The following WDR70 variants were observed in gnomAD, a reference collection of about 807,000 sequenced individuals.
The protein encoded by WDR70 is WD repeat domain 70.
A neutral mutation model predicts 88.6 loss-of-function variants in WDR70; 53 were observed. That is an observed-to-expected ratio of 0.60 (90% CI 0.48 to 0.75). The LOEUF (loss-of-function observed/expected upper bound fraction) is 0.75, where lower values mean the gene tolerates loss of function less well. Among genes scored for constraint, WDR70 ranks in the 30% least tolerant of loss-of-function variants. The pLI, the probability that WDR70 is intolerant of heterozygous loss-of-function variation, is 0.00. For missense variants in WDR70, 610 were observed against 823.2 expected, an observed-to-expected ratio of 0.74 and a Z score of 3.17; for synonymous variants, 280 against 270.0, an observed-to-expected ratio of 1.04 and a Z score of -0.36.
At chr5:37,513,183 A>C (rs1740773478) in intron 8 of WDR70, among the ~76,000 whole-genome samples, 1 of 152,226 alleles carries the variant, frequency 6.6e-6, no homozygotes, top group Non-Finnish European at 1.5e-5. Context: ...AAGAATCACA[A>C]ACTATGATGG....
chr5:37,725,216 A>G (rs1747937119), intron 16 of WDR70, among the ~76,000 whole-genome samples, 166 bp downstream of exon 16: 1 of 152,136 alleles, frequency 6.6e-6, no homozygotes, highest in Non-Finnish European at 1.5e-5. Flanking sequence ...AAGCTGATGC[A>G]GAATCCAGAT....
intron 8 of WDR70, among the ~76,000 whole-genome samples, chr5:37,493,171 A>G (rs1276892698): frequency 2.6e-5 from 4 of 152,152 alleles, no homozygotes; most frequent in Non-Finnish European, 4.4e-5. Context: ...CAAATTACCA[A>G]AAACCAGGGA....
At chr5:37,544,207 T>C (rs1741917974) in intron 9 of WDR70, among the ~76,000 whole-genome samples, 1 of 152,210 alleles carries the variant, frequency 6.6e-6, no homozygotes, top group African/African-American at 2.4e-5. Context: ...CCTAAGTCCA[T>C]GCCTCAGACT....
intron 10 of WDR70, among the ~76,000 whole-genome samples, chr5:37,636,340 A>C (rs1022311660): frequency 4.6e-5 from 7 of 152,248 alleles, no homozygotes; most frequent in Non-Finnish European, 1.0e-4. Context: ...CAATTAATAA[A>C]TGTAGAACGA....
intron 8 of WDR70, among the ~76,000 whole-genome samples, chr5:37,499,924 T>C (rs577948176): frequency 8.5e-5 from 13 of 152,322 alleles, no homozygotes; most frequent in African/African-American, 2.6e-4. Flanking sequence ...TTTTTTTCTT[T>C]ATAGATTGTG....
intron 5 of WDR70, among the ~76,000 whole-genome samples, chr5:37,423,065 A>C (rs1749995667): frequency 6.6e-6 from 1 of 152,116 alleles, no homozygotes; most frequent in African/African-American, 2.4e-5. Context: ...GCAGTGTGGA[A>C]AGAAGTGAAG....
intron 8 of WDR70, among the ~76,000 whole-genome samples, chr5:37,502,670 G>T (rs1248414857): frequency 6.6e-6 from 1 of 152,200 alleles, no homozygotes; most frequent in Non-Finnish European, 1.5e-5. Context: ...AAGAAAAGAA[G>T]TTTAACTGGC....
At position 37,445,629 on chromosome 5, in the gene WDR70, C is replaced by G. The variant is rs187759579; in HGVS notation, c.686+2257C>G. ...CTTCATCCCTGGGATGCAAAGCTGG[C>G]TCAACATACGCAAATCAATAAATGT... On this transcript the variant is annotated intron_variant, in intron 7 of 17. Coordinates refer to ENST00000265107, the MANE Select transcript of WDR70 (RefSeq NM_018034.4). Among the ~76,000 whole-genome samples, 331 of 152,180 alleles carry G rather than the reference C, an allele frequency of 2.2e-3. 1 individual carries two copies. The highest frequency in any genetic ancestry group is 7.5e-3 in the African/African-American group (313 of 41,530).
At chr5:37,728,977 A>C (rs1029639827) in intron 17 of WDR70, among the ~76,000 whole-genome samples, 3 of 152,138 alleles carry the variant, frequency 2.0e-5, no homozygotes, top group African/African-American at 4.8e-5. Flanking sequence ...AAGTATTTTT[A>C]AAATATTGGT....
At chr5:37,519,309 G>A (rs34211257) in intron 9 of WDR70, among the ~76,000 whole-genome samples, 1 of 151,240 alleles carries the variant, frequency 6.6e-6, no homozygotes, top group Non-Finnish European at 1.5e-5. Context: ...CCAGAAGATG[G>A]GCGGCTGGGC....
At chr5:37,384,599 G>T (rs1561831787) in intron 3 of WDR70, among the ~76,000 whole-genome samples, 2 of 139,964 alleles carry the variant, frequency 1.4e-5, no homozygotes, top group African/African-American at 2.7e-5. Context: ...GGCAGAGCTT[G>T]CAGTGAGCCG....
chr5:37,735,452 A>G (rs144651134), intron 17 of WDR70, among the ~76,000 whole-genome samples: 45 of 152,286 alleles, frequency 3.0e-4, no homozygotes, highest in East Asian at 2.3e-3. Flanking sequence ...AGAACTAGAC[A>G]TTAGTTCTCT....
intron 5 of WDR70, among the ~76,000 whole-genome samples, chr5:37,425,449 T>C (rs1240975420): frequency 6.6e-6 from 1 of 152,064 alleles, no homozygotes; most frequent in African/African-American, 2.4e-5. Context: ...AAGTTGACCA[T>C]GTAGATATCT....
At position 37,711,987 on chromosome 5, in the gene WDR70, C is replaced by CTTTTTTTTTTT. The variant is rs70978842; in HGVS notation, c.1416+8910_1416+8920dup. On this transcript the variant is annotated intron_variant, in intron 13 of 17. Coordinates refer to ENST00000265107, the MANE Select transcript of WDR70 (RefSeq NM_018034.4). ...TGGAATTTCAGTGCATATATTTTTT[C>CTTTTTTTTTTT]TTTTTTTTTTTTTTTTTTTTCTTGA... is the stretch of plus-strand genomic sequence containing the variant. 7.1e-4 allele frequency among the ~76,000 whole-genome samples: 74 copies of CTTTTTTTTTTT among 104,002 alleles called. 3 individuals are homozygous for CTTTTTTTTTTT. Among genetic ancestry groups the CTTTTTTTTTTT allele is most frequent in the Middle Eastern group, 4.9e-3 (1 of 206 alleles). 68.2% of individuals were successfully genotyped at this position (104,002 alleles called of 152,430 possible).
intron 10 of WDR70, among the ~76,000 whole-genome samples, chr5:37,645,618 T>C (rs1025135600): frequency 6.6e-6 from 1 of 152,098 alleles, no homozygotes; most frequent in African/African-American, 2.4e-5. Context: ...TCTCTTTAGC[T>C]CCAGTAATGT....
intron 9 of WDR70, among the ~76,000 whole-genome samples, chr5:37,534,070 T>C (rs1029742047): frequency 5.9e-5 from 9 of 152,190 alleles, no homozygotes; most frequent in Non-Finnish European, 1.2e-4. Flanking sequence ...TTCTTGGTGC[T>C]GCTATCCAGG....
At chr5:37,714,278 A>C (rs913194879) in intron 13 of WDR70, among the ~76,000 whole-genome samples, 2 of 152,178 alleles carry the variant, frequency 1.3e-5, no homozygotes, top group African/African-American at 4.8e-5. Flanking sequence ...TGTTTTATTT[A>C]TATAAACATA....
Position 37,619,036 on chromosome 5 carries a change from G to A in WDR70, c.1092+13798G>A, listed in dbSNP as rs191181629. On this transcript the variant is annotated intron_variant, in intron 10 of 17. Coordinates refer to ENST00000265107, the MANE Select transcript of WDR70 (RefSeq NM_018034.4). ...TTATGCCTTTTTAAAAAAGAGTCAGGCAATGATATAAAATAGATAATTTAA... is the reference window on the plus strand; with the variant it reads ...TTATGCCTTTTTAAAAAAGAGTCAGACAATGATATAAAATAGATAATTTAA... 9.9e-5 allele frequency among the ~76,000 whole-genome samples: 15 copies of A among 152,200 alleles called. No homozygotes were observed. In the East Asian group the frequency reaches 2.7e-3, roughly 27 times the overall value.
intron 9 of WDR70, among the ~76,000 whole-genome samples, chr5:37,530,153 T>A (rs1741435656): frequency 6.6e-6 from 1 of 152,188 alleles, no homozygotes. Flanking sequence ...AAACCATCCC[T>A]GGTATGAAAC....
Sources: allele counts gnomAD v4.1 joint callset (sites outside exome capture counted in the v4.1 genomes callset), GRCh38; gene constraint gnomAD v4.1.1; transcripts MANE v1.5; gene names NCBI Gene and HGNC (gene_info 2026-07-23, HGNC 2026-07-21).